Variants in DPY19L1 observed in about 807,000 individuals in gnomAD.
The protein encoded by DPY19L1 is dpy-19 like C-mannosyltransferase 1.
Under a neutral mutation model 96.9 loss-of-function variants are expected in DPY19L1, and 35 were observed. That is an observed-to-expected ratio of 0.36 (90% CI 0.28 to 0.48). The LOEUF (loss-of-function observed/expected upper bound fraction) is 0.48. Ranked by LOEUF, DPY19L1 falls within the 20% of genes least tolerant of loss-of-function variation. The probability of loss-of-function intolerance (pLI) is 0.99; values close to 1 mark genes in which losing one functional copy is unlikely to be tolerated. For missense variants in DPY19L1, 521 were observed against 777.9 expected, an observed-to-expected ratio of 0.67 and a Z score of 3.93; for synonymous variants, 205 against 252.6, an observed-to-expected ratio of 0.81 and a Z score of 1.79.
At chr7:34,952,589 C>G (rs568176169) in intron 13 of DPY19L1, among the ~76,000 whole-genome samples, 129 of 152,134 alleles carry the variant, frequency 8.5e-4, no homozygotes, top group African/African-American at 3.1e-3. Context: ...TACAAGAAAA[C>G]TACAACAAAT....
intron 6 of DPY19L1, among the ~76,000 whole-genome samples, chr7:34,992,464 G>A (rs1785191477): frequency 6.6e-6 from 1 of 151,728 alleles, no homozygotes; most frequent in South Asian, 2.1e-4. Context: ...TCAGATTATA[G>A]ATTAACTTGC....
intron 13 of DPY19L1, among the ~76,000 whole-genome samples, chr7:34,951,084 T>C (rs1385211608): frequency 6.6e-5 from 10 of 152,104 alleles, no homozygotes; most frequent in Admixed American, 6.5e-4. Context: ...ATAAATATTA[T>C]ATGCTAGTAA....
At chr7:34,992,653 C>T (rs1404742661) in intron 6 of DPY19L1, among the ~76,000 whole-genome samples, 1 of 151,602 alleles carries the variant, frequency 6.6e-6, no homozygotes, top group African/African-American at 2.4e-5. Flanking sequence ...ATCCAGCAAT[C>T]CTCCTGCCTC....
chr7:34,971,660 G>A (rs1430147183), intron 8 of DPY19L1, among the ~76,000 whole-genome samples: 1 of 152,112 alleles, frequency 6.6e-6, no homozygotes, highest in Non-Finnish European at 1.5e-5. Flanking sequence ...AGTAAAGACA[G>A]GTATTAAGAC....
Position 34,939,350 on chromosome 7 carries a change from G to A in DPY19L1, c.1890C>T (p.Pro630=), listed in dbSNP as rs558348139. 6.2e-7 allele frequency: 1 copy of A among 1,613,964 alleles called. No individual in the cohort carries two copies. The highest frequency in any genetic ancestry group is 1.7e-5 in the Admixed American group (1 of 60,010). Residue 630 remains proline, a synonymous_variant, in exon 20 of 22, where the codon CCC becomes CCT. Transcript: ENST00000638088. The stretch of plus-strand genomic sequence containing the variant: ...CAGAGAGCTTAACACTTGCCATCGT[G>A]GGCATGGCACCCGCAAACACTGCAT... ...KPDAVFAGAM[P]TMASVKLSAL... is the part of the protein sequence containing the mutation.
intron 10 of DPY19L1, among the ~76,000 whole-genome samples, chr7:34,960,834 T>C (rs986475903): frequency 6.6e-6 from 1 of 152,218 alleles, no homozygotes; most frequent in African/African-American, 2.4e-5. Flanking sequence ...TTTTATCATA[T>C]ACCTTTATAA....
At chr7:34,993,081 A>G (rs1222550673) in intron 6 of DPY19L1, among the ~76,000 whole-genome samples, 3 of 152,212 alleles carry the variant, frequency 2.0e-5, no homozygotes, top group African/African-American at 7.2e-5. Flanking sequence ...AAGTTAACAC[A>G]TATGTGTGAC....
intron 6 of DPY19L1, among the ~76,000 whole-genome samples, chr7:34,998,234 A>T (rs748422426): frequency 3.3e-5 from 5 of 152,214 alleles, no homozygotes; most frequent in Non-Finnish European, 7.3e-5. Context: ...CTACAAAAGG[A>T]CGTCCAGGCT....
intron 10 of DPY19L1, among the ~76,000 whole-genome samples, chr7:34,960,330 C>T (rs1020757049): frequency 2.6e-5 from 4 of 152,006 alleles, no homozygotes; most frequent in Admixed American, 2.0e-4. Flanking sequence ...TTTAAATCTT[C>T]TTTTACATGC....
intron 21 of DPY19L1, among the ~76,000 whole-genome samples, chr7:34,936,053 CTG>C (rs1381211033): frequency 1.3e-5 from 2 of 152,182 alleles, no homozygotes; most frequent in African/African-American, 4.8e-5. Flanking sequence ...TCAACTCCTG[CTG>C]TGACAGACAC....
intron 12 of DPY19L1, 53 bp downstream of exon 12, chr7:34,955,255 T>G: frequency 6.5e-7 from 1 of 1,538,584 alleles, no homozygotes. Flanking sequence ...ATAAAACCAA[T>G]GATATATTTT....
intron 1 of DPY19L1, among the ~76,000 whole-genome samples, chr7:35,034,289 T>C (rs1298960690): frequency 1.3e-5 from 2 of 152,176 alleles, no homozygotes; most frequent in East Asian, 3.9e-4. Flanking sequence ...CTGGCATACA[T>C]AAATAGACCA....
intron 8 of DPY19L1, among the ~76,000 whole-genome samples, chr7:34,970,004 TAGG>T (rs1359412647): frequency 6.6e-6 from 1 of 152,082 alleles, no homozygotes; most frequent in African/African-American, 2.4e-5. Context: ...CTGGCACAGG[TAGG>T]AGAACACAGA....
In DPY19L1 at chr7:35,012,564, A is replaced by G. The variant is rs182914349; in HGVS notation, c.549+1004T>C. On this transcript the variant is annotated intron_variant, in intron 4 of 21. Transcript: ENST00000638088. Reference sequence around the variant, plus strand: ...ATCAGTGTTAGGTTACACACAATACATTTTCAAAAAACAATTCAAGGTTAG... The same window carrying G: ...ATCAGTGTTAGGTTACACACAATACGTTTTCAAAAAACAATTCAAGGTTAG... 2.6e-3 allele frequency among the ~76,000 whole-genome samples: 394 copies of G among 152,330 alleles called. 4 individuals are homozygous for G. Among genetic ancestry groups the G allele is most frequent in the African/African-American group, 9.2e-3 (382 of 41,576 alleles).
chr7:34,942,250 C>T (rs1784036308), intron 17 of DPY19L1, among the ~76,000 whole-genome samples: 1 of 152,122 alleles, frequency 6.6e-6, no homozygotes, highest in African/African-American at 2.4e-5. Context: ...CAAAACCAGA[C>T]TGGACAACTA....
At chr7:34,995,177 C>T (rs1785255838) in intron 6 of DPY19L1, among the ~76,000 whole-genome samples, 1 of 152,120 alleles carries the variant, frequency 6.6e-6, no homozygotes, top group Non-Finnish European at 1.5e-5. Flanking sequence ...TTCTCCATGT[C>T]CACCCTCTCG....
At chr7:35,037,018 A>AAGGGGAGGGGAGGGG (rs139411996) in intron 1 of DPY19L1, 79 bp downstream of exon 1, 2 of 112,612 alleles carry the variant, frequency 1.8e-5, no homozygotes, top group Non-Finnish European at 3.6e-5. Flanking sequence ...GAGGGGAAGG[A>AAGGGGAGGGGAGGGG]AGGGGAGGGG....
intron 7 of DPY19L1, among the ~76,000 whole-genome samples, chr7:34,977,174 C>T (rs1784848521): frequency 6.6e-6 from 1 of 152,048 alleles, no homozygotes; most frequent in African/African-American, 2.4e-5. Context: ...CACTGGAAAA[C>T]CAAGAAATTT....
At chr7:34,973,426 TTTA>T (rs1207242572) in intron 8 of DPY19L1, 85 bp downstream of exon 8, 2 of 729,890 alleles carry the variant, frequency 2.7e-6, no homozygotes, top group Non-Finnish European at 3.9e-6. Flanking sequence ...GGTTAATTAT[TTTA>T]TTATGTTCAC....
Sources: allele counts gnomAD v4.1 joint callset (sites outside exome capture counted in the v4.1 genomes callset), GRCh38; gene constraint gnomAD v4.1.1; transcripts MANE v1.5; gene names NCBI Gene and HGNC (gene_info 2026-07-23, HGNC 2026-07-21).